PPP2R2B: variants seen among roughly 807,000 people sequenced by gnomAD.
PPP2R2B encodes protein phosphatase 2 regulatory subunit Bbeta.
Under a neutral mutation model 46.0 loss-of-function variants are expected in PPP2R2B, and 5 were observed. The ratio of observed to expected loss-of-function variants is 0.11; its 90% CI spans 0.06 to 0.23. The LOEUF (loss-of-function observed/expected upper bound fraction) is 0.23. PPP2R2B is among the 10% of genes least tolerant of loss of function. PPP2R2B has a pLI of 1.00. For missense variants in PPP2R2B, 367 were observed against 575.0 expected, an observed-to-expected ratio of 0.64 and a Z score of 3.70; for synonymous variants, 215 against 206.7, an observed-to-expected ratio of 1.04 and a Z score of -0.34.
chr5:146,707,689 C>G, intron 2 of PPP2R2B: 1 of 533,308 alleles, frequency 1.9e-6, no homozygotes, highest in South Asian at 2.5e-5. Flanking sequence ...TATATCTTTT[C>G]TAACAGGTAA....
chr5:146,697,413 ACTC>A (rs1779238092), intron 4 of PPP2R2B, among the ~76,000 whole-genome samples: 1 of 152,090 alleles, frequency 6.6e-6, no homozygotes, highest in Admixed American at 6.5e-5. Context: ...ATTTATGTCA[ACTC>A]CTCCTCATCC....
intron 1 of PPP2R2B, among the ~76,000 whole-genome samples, chr5:146,975,081 T>A (rs1333628361): frequency 6.6e-6 from 1 of 152,178 alleles, no homozygotes; most frequent in Non-Finnish European, 1.5e-5. Flanking sequence ...TAGTGTTACA[T>A]AAACTCACAT....
At chr5:146,770,860 T>C (rs1754810574) in intron 2 of PPP2R2B, among the ~76,000 whole-genome samples, 1 of 152,152 alleles carries the variant, frequency 6.6e-6, no homozygotes, top group Non-Finnish European at 1.5e-5. Flanking sequence ...CAGAGGGGAT[T>C]TGCAGCTCTC....
intron 5 of PPP2R2B, among the ~76,000 whole-genome samples, chr5:146,665,466 CA>C (rs1276454186): frequency 1.3e-5 from 2 of 152,174 alleles, no homozygotes; most frequent in African/African-American, 4.8e-5. Context: ...CTTCATAGAA[CA>C]AAAGAGAGAG....
At chr5:146,724,796 G>C (rs1250653960) in intron 2 of PPP2R2B, among the ~76,000 whole-genome samples, 2 of 152,084 alleles carry the variant, frequency 1.3e-5, no homozygotes, top group African/African-American at 4.8e-5. Flanking sequence ...CTATCTGGGA[G>C]TTACATGCAA....
At chr5:146,825,865 A>G (rs1418380025) in intron 2 of PPP2R2B, among the ~76,000 whole-genome samples, 1 of 152,230 alleles carries the variant, frequency 6.6e-6, no homozygotes, top group Non-Finnish European at 1.5e-5. Flanking sequence ...TTGGTATCAC[A>G]TGTAGTAAGA....
chr5:147,052,010 A>G (rs1056196838), intron 1 of PPP2R2B, among the ~76,000 whole-genome samples: 2 of 151,746 alleles, frequency 1.3e-5, no homozygotes, highest in African/African-American at 4.8e-5. Context: ...TCCCCTACCA[A>G]GGGGAAGGAG....
chr5:146,983,250 G>A (rs1393552205), intron 1 of PPP2R2B, among the ~76,000 whole-genome samples: 3 of 124,074 alleles, frequency 2.4e-5, no homozygotes, highest in Non-Finnish European at 4.8e-5. Context: ...GCACAATCTC[G>A]GCTCACTGCA....
chr5:146,724,956 A>G (rs940299183), intron 2 of PPP2R2B, among the ~76,000 whole-genome samples: 6 of 152,188 alleles, frequency 3.9e-5, no homozygotes, highest in Non-Finnish European at 8.8e-5. Flanking sequence ...GGAAGGGAGA[A>G]CACTGAGGAA....
At chr5:146,911,263 TA>T (rs1763172373) in intron 1 of PPP2R2B, among the ~76,000 whole-genome samples, 1 of 152,186 alleles carries the variant, frequency 6.6e-6, no homozygotes, top group African/African-American at 2.4e-5. Flanking sequence ...TTTGTATTTT[TA>T]GTAGAGACGG....
At chr5:146,928,223 G>A (rs909864943) in intron 1 of PPP2R2B, among the ~76,000 whole-genome samples, 1 of 148,044 alleles carries the variant, frequency 6.8e-6, no homozygotes, top group Admixed American at 6.8e-5. Flanking sequence ...TGATTTCATC[G>A]ATTTTCATGA....
At chr5:147,028,471 G>A (rs576921387) in intron 1 of PPP2R2B, among the ~76,000 whole-genome samples, 3 of 152,062 alleles carry the variant, frequency 2.0e-5, no homozygotes, top group Non-Finnish European at 4.4e-5. Context: ...AAACACCATC[G>A]TAACTTCCGA....
chr5:146,932,133 C>T (rs920226534), intron 1 of PPP2R2B, among the ~76,000 whole-genome samples: 1 of 152,194 alleles, frequency 6.6e-6, no homozygotes, highest in Non-Finnish European at 1.5e-5. Flanking sequence ...AAACATCACT[C>T]CCTTTTATTT....
chr5:146,917,004 A>G (rs907263194), intron 1 of PPP2R2B, among the ~76,000 whole-genome samples: 24 of 152,192 alleles, frequency 1.6e-4, no homozygotes, highest in African/African-American at 5.8e-4. Context: ...AAACGAAGGT[A>G]AAGTACATAA....
Position 146,808,994 on chromosome 5 carries a change from T to TGTGTGTGTGCGC in PPP2R2B, c.70+69007_70+69008insGCGCACACACAC, listed in dbSNP as rs1442659063. Among the ~76,000 whole-genome samples the TGTGTGTGTGCGC allele has an allele frequency of 1.7e-3, 234 of 134,482 alleles. 1 individual carries two copies. The highest frequency in any genetic ancestry group is 5.8e-3 in the African/African-American group (217 of 37,728). The allele number at this position is 134,482 out of a possible 152,430, so 88.2% of individuals were successfully genotyped here. On this transcript the variant is annotated intron_variant, in intron 2 of 9. Transcript: ENST00000394411. ...GTGTGTGTGTGTGTGTGTGTGTGTG[T>TGTGTGTGTGCGC]GCGCGCGCACCCACTTCTCCAGTGA...
At chr5:146,603,000 G>A (rs181996872) in intron 7 of PPP2R2B, among the ~76,000 whole-genome samples, 4 of 152,318 alleles carry the variant, frequency 2.6e-5, no homozygotes, top group Admixed American at 1.3e-4. Context: ...AGGCAGTAAA[G>A]TGGATGGGCT....
chr5:147,072,259 A>C (rs1361732516), intron 2 of PPP2R2B, among the ~76,000 whole-genome samples: 3 of 152,216 alleles, frequency 2.0e-5, no homozygotes, highest in African/African-American at 7.2e-5. Context: ...ATGGGTTATA[A>C]GATGTATATG....
chr5:146,631,049 A>G (rs933161152), intron 7 of PPP2R2B, among the ~76,000 whole-genome samples: 1 of 152,192 alleles, frequency 6.6e-6, no homozygotes, highest in African/African-American at 2.4e-5. Context: ...CACTACTGTC[A>G]GTTTGGTTTG....
At chr5:146,699,209 TACTG>T (rs1352180338) in intron 3 of PPP2R2B, among the ~76,000 whole-genome samples, 1 of 152,232 alleles carries the variant, frequency 6.6e-6, no homozygotes, top group African/African-American at 2.4e-5. Flanking sequence ...AATCTCAACT[TACTG>T]ACCAGTGAGA....
Sources: allele counts gnomAD v4.1 joint callset (sites outside exome capture counted in the v4.1 genomes callset), GRCh38; gene constraint gnomAD v4.1.1; transcripts MANE v1.5; gene names NCBI Gene and HGNC (gene_info 2026-07-23, HGNC 2026-07-21).